PLA2G6: variants seen among roughly 807,000 people sequenced by gnomAD.
The protein encoded by PLA2G6 is 85/88 kDa calcium-independent phospholipase A2.
A neutral mutation model predicts 83.8 loss-of-function variants in PLA2G6; 62 were observed. The ratio of observed to expected loss-of-function variants is 0.74; its 90% CI spans 0.60 to 0.91. The LOEUF (loss-of-function observed/expected upper bound fraction) is 0.91, where lower values mean the gene tolerates loss of function less well. PLA2G6 is among the 40% of genes least tolerant of loss of function. The pLI is 0.00. For missense variants in PLA2G6, 944 were observed against 1,102.0 expected (o/e 0.86, Z 2.03); for synonymous variants, 417 against 449.8 (o/e 0.93, Z 0.92).
intron 6 of PLA2G6, chr22:38,134,373 A>G (rs2088406998): frequency 6.6e-6 from 1 of 152,476 alleles, no homozygotes; most frequent in African/African-American, 2.4e-5. Flanking sequence ...CATCCTGGCT[A>G]ACACGGTGAA....
In PLA2G6 at chr22:38,112,008, G is replaced by A; in HGVS notation, c.*153C>T. 1 of 862,004 alleles carries A rather than the reference G, an allele frequency of 1.2e-6. No homozygotes were observed. The highest frequency in any genetic ancestry group is 2.7e-5 in the East Asian group (1 of 37,626). The allele number at this position is 862,004 out of a possible 1,614,324, so 53.4% of individuals were successfully genotyped here. A position where few individuals can be genotyped will look rare whatever the true frequency, so the allele number is the denominator to read the frequency against. The stretch of plus-strand genomic sequence containing the variant: ...AGTGGGAGACAGGCCTTCAGGACCA[G>A]CCTCGGGCAGGCAGCTTGGCATTCT... On this transcript the variant is annotated 3_prime_UTR_variant, in exon 17 of 17. Transcript: ENST00000332509.
intron 1 of PLA2G6, among the ~76,000 whole-genome samples, chr22:38,175,214 T>G (rs1403052575): frequency 1.3e-5 from 2 of 152,200 alleles, no homozygotes; most frequent in Non-Finnish European, 1.5e-5. Flanking sequence ...CTCCAGTTCC[T>G]GCTGGAGCCC....
chr22:38,143,130 T>A lies in PLA2G6; in HGVS notation c.584A>T (p.Gln195Leu), dbSNP rs2089020504. The change falls in exon 4 of 17, where the codon CAG becomes CTG. Residue 195 changes from glutamine to leucine, a missense_variant. Transcript: ENST00000332509. ...KGETVFHYAV[Q>L]GDNSQVLQLL... ...CTGCAGCACCTGAGAATTGTCACCC[T>A]GGACAGCATAATGGAAGACGGTCTC... 6.2e-7 allele frequency: 1 copy of A among 1,614,060 alleles called. No individual in the cohort carries two copies. The highest frequency in any genetic ancestry group is 1.1e-5 in the South Asian group (1 of 91,088).
chr22:38,119,083 G>A (rs1311272725), intron 12 of PLA2G6, among the ~76,000 whole-genome samples: 1 of 152,120 alleles, frequency 6.6e-6, no homozygotes, highest in African/African-American at 2.4e-5. Flanking sequence ...TTGAGAAGAG[G>A]TAGAAACTTC....
In PLA2G6 at chr22:38,127,259, A is replaced by G. The variant is rs1044590531; in HGVS notation, c.1349-810T>C. The G allele has an allele frequency of 7.3e-6, 9 of 1,230,024 alleles. No homozygotes were observed. In the Admixed American group the frequency reaches 2.5e-4, roughly 34 times the overall value. 76.2% of individuals were successfully genotyped at this position (1,230,024 alleles called of 1,614,324 possible). A position where few individuals can be genotyped will look rare whatever the true frequency, so the allele number is the denominator to read the frequency against. On this transcript the variant is annotated intron_variant, in intron 9 of 16. Transcript: ENST00000332509. ...CGGCTCCACAGTGAACAAGGGAAGC[A>G]GAAGAGTGGCTGAGAGAGGCCGGGG...
chr22:38,115,474 A>T lies in PLA2G6; in HGVS notation c.2034+53T>A, dbSNP rs75406900. ...GGTCCCTAGCATGGTTTGCTGACAC[A>T]GGATTGGCTCCAGGGAGCAGTGGGT... On this transcript the variant is annotated intron_variant, in intron 14 of 16. Transcript: ENST00000332509. 2.7e-5 allele frequency: 42 copies of T among 1,560,134 alleles called. No homozygotes were observed. In the East Asian group the frequency reaches 9.4e-4, roughly 35 times the overall value.
intron 2 of PLA2G6, among the ~76,000 whole-genome samples, chr22:38,156,358 C>CG (rs1379386718): frequency 1.3e-5 from 2 of 152,184 alleles, no homozygotes; most frequent in African/African-American, 4.8e-5. Context: ...TTTCATCCAA[C>CG]GGCTGCAGAA....
At chr22:38,159,723 T>TG (rs2089932705) in intron 2 of PLA2G6, among the ~76,000 whole-genome samples, 7 of 85,646 alleles carry the variant, frequency 8.2e-5, no homozygotes, top group African/African-American at 3.6e-4. Flanking sequence ...GAGAGATAGA[T>TG]GAAAGGAAGG....
At chr22:38,129,210 G>T (rs2088055528) in intron 8 of PLA2G6, among the ~76,000 whole-genome samples, 1 of 152,248 alleles carries the variant, frequency 6.6e-6, no homozygotes, top group Admixed American at 6.5e-5. Context: ...CCCTGAGGTG[G>T]GGGGCGCTGC....
chr22:38,139,707 T>A (rs1222277610), intron 5 of PLA2G6: 2 of 396,722 alleles, frequency 5.0e-6, no homozygotes, highest in Non-Finnish European at 9.5e-6. Flanking sequence ...AGTGTTGGGA[T>A]TACAGGCGTG....
chr22:38,112,041 C>A lies in PLA2G6; in HGVS notation c.*120G>T. The A allele has an allele frequency of 8.3e-7, 1 of 1,208,302 alleles. No homozygotes were observed. Among genetic ancestry groups the A allele is most frequent in the Non-Finnish European group, 1.2e-6 (1 of 840,078 alleles). The allele number at this position is 1,208,302 out of a possible 1,614,324, so 74.8% of individuals were successfully genotyped here. On this transcript the variant is annotated 3_prime_UTR_variant, in exon 17 of 17. Coordinates refer to ENST00000332509, the MANE Select transcript of PLA2G6 (RefSeq NM_003560.4). ...CAGGCAGCTTGGCATTCTCCCAGGC[C>A]TGGTCTATGGACTCAGAGGTGCCTG...
At chr22:38,145,705 T>C (rs1172523147) in intron 2 of PLA2G6, 52 bp from the exon 3 acceptor site, 1 of 1,276,342 alleles carries the variant, frequency 7.8e-7, no homozygotes, top group Non-Finnish European at 1.1e-6. Flanking sequence ...GGCGGGACCC[T>C]CGGCCCACAT....
At chr22:38,161,518 G>A (rs945010788) in intron 2 of PLA2G6, among the ~76,000 whole-genome samples, 2 of 152,016 alleles carry the variant, frequency 1.3e-5, no homozygotes, top group Non-Finnish European at 2.9e-5. Flanking sequence ...TCAATCCATA[G>A]CAAAAAATAT....
intron 1 of PLA2G6, among the ~76,000 whole-genome samples, chr22:38,176,519 C>A (rs133015): frequency 1.1e-4 from 16 of 152,128 alleles, no homozygotes; most frequent in African/African-American, 3.6e-4. Flanking sequence ...CAGTGACACC[C>A]TCCTGAGCAC....
chr22:38,160,889 C>T (rs1014972382), intron 2 of PLA2G6, among the ~76,000 whole-genome samples: 4 of 152,118 alleles, frequency 2.6e-5, no homozygotes, highest in African/African-American at 9.7e-5. Flanking sequence ...ATTGGTTACC[C>T]TTCTTTGGGA....
At chr22:38,169,101 C>G in intron 2 of PLA2G6, 117 bp downstream of exon 2, 1 of 822,308 alleles carries the variant, frequency 1.2e-6, no homozygotes, top group Non-Finnish European at 2.1e-6. Context: ...TCTCCCACCC[C>G]TCTCCAGACC....
intron 8 of PLA2G6, among the ~76,000 whole-genome samples, 160 bp downstream of exon 8, chr22:38,129,294 A>G (rs1226799302): frequency 6.6e-6 from 1 of 152,152 alleles, no homozygotes; most frequent in Non-Finnish European, 1.5e-5. Flanking sequence ...GTGCTTGGGT[A>G]AGGAAGCCCC....
At chr22:38,166,668 G>T (rs1235200906) in intron 2 of PLA2G6, among the ~76,000 whole-genome samples, 1 of 152,172 alleles carries the variant, frequency 6.6e-6, no homozygotes, top group Non-Finnish European at 1.5e-5. Context: ...GGCAGAGGTT[G>T]CTGTAAGCCA....
rs764744260 is a variant in PLA2G6, at chr22:38,143,088, C to T, written c.609+17G>A. ...GGAGGTATCAGTACCAGTCACCCTG[C>T]CCCTCCCCCTGCTCACCTGCAGCAC... On this transcript the variant is annotated intron_variant, in intron 4 of 16. Coordinates refer to ENST00000332509, the MANE Select transcript of PLA2G6 (RefSeq NM_003560.4). The T allele has an allele frequency of 1.2e-6, 2 of 1,611,872 alleles. No homozygotes were observed. The highest frequency in any genetic ancestry group is 4.5e-5 in the East Asian group (2 of 44,872).
Sources: allele counts gnomAD v4.1 joint callset (sites outside exome capture counted in the v4.1 genomes callset), GRCh38; gene constraint gnomAD v4.1.1; transcripts MANE v1.5; gene names NCBI Gene and HGNC (gene_info 2026-07-23, HGNC 2026-07-21).